Variants in TOGARAM2 observed in about 807,000 individuals in gnomAD.
The protein encoded by TOGARAM2 is TOG array regulator of axonemal microtubules protein 2.
TOGARAM2 carries 85 observed loss-of-function variants against 93.3 expected under a neutral mutation model. The observed-to-expected ratio is 0.91, with a 90% confidence interval of 0.76 to 1.09. The LOEUF (loss-of-function observed/expected upper bound fraction) is 1.09, where lower values mean the gene tolerates loss of function less well. TOGARAM2 is among the 50% of genes least tolerant of loss of function. The pLI, the probability that TOGARAM2 is intolerant of heterozygous loss-of-function variation, is 0.00. For synonymous variants in TOGARAM2, 593 were observed against 552.8 expected, an observed-to-expected ratio of 1.07 and a Z score of -1.02; for missense variants, 1,277 against 1,334.5, an observed-to-expected ratio of 0.96 and a Z score of 0.67.
At chr2:29,005,124 T>G (rs377683302) in intron 6 of TOGARAM2, among the ~76,000 whole-genome samples, 1 of 135,556 alleles carries the variant, frequency 7.4e-6, no homozygotes, top group Non-Finnish European at 1.6e-5. Context: ...TATGGGTGTG[T>G]GTGCATGTGT....
rs1667113737 is a variant in TOGARAM2 at position 29,052,195 on chromosome 2, T to C, written c.*102T>C. 1 of 913,898 alleles carries C rather than the reference T, an allele frequency of 1.1e-6. No individual in the cohort carries two copies. The highest frequency in any genetic ancestry group is 1.5e-6 in the Non-Finnish European group (1 of 648,332). The allele number at this position is 913,898 out of a possible 1,614,324, so 56.6% of individuals were successfully genotyped here. A position where few individuals can be genotyped will look rare whatever the true frequency, so the allele number is the denominator to read the frequency against. ...GAGTTCCAGATGTACATGGTATATT[T>C]TGAAGTAGAAATAAAAGAATTACTT... is the stretch of plus-strand genomic sequence containing the variant. On this transcript the variant is annotated 3_prime_UTR_variant, in exon 20 of 20. Transcript: ENST00000379558.
chr2:29,008,517 C>T (rs1333962045), intron 6 of TOGARAM2, among the ~76,000 whole-genome samples: 3 of 152,174 alleles, frequency 2.0e-5, no homozygotes, highest in Admixed American at 6.5e-5. Context: ...AGTGCAGTGG[C>T]ACGATCTCTG....
intron 1 of TOGARAM2, among the ~76,000 whole-genome samples, chr2:28,983,170 A>C: frequency 2.0e-5 from 1 of 50,846 alleles, no homozygotes; most frequent in East Asian, 2.5e-4. Context: ...GTGTGTGTGT[A>C]TATATAAATA....
chr2:29,009,264 T>G (rs1280141157), intron 6 of TOGARAM2, among the ~76,000 whole-genome samples: 1 of 152,182 alleles, frequency 6.6e-6, no homozygotes, highest in Non-Finnish European at 1.5e-5. Flanking sequence ...AGCCCCTGCA[T>G]CCTTGCGTGA....
At chr2:29,007,859 T>C (rs1283363595) in intron 6 of TOGARAM2, among the ~76,000 whole-genome samples, 1 of 151,984 alleles carries the variant, frequency 6.6e-6, no homozygotes, top group East Asian at 1.9e-4. Flanking sequence ...ATTTCACTCA[T>C]CCATCCATCC....
chr2:29,035,957 C>A (rs1343025596), intron 17 of TOGARAM2, among the ~76,000 whole-genome samples: 1 of 152,050 alleles, frequency 6.6e-6, no homozygotes, highest in East Asian at 1.9e-4. Context: ...CTAGGTGCAT[C>A]ATGTTTGGGG....
At chr2:29,008,004 G>A (rs991894408) in intron 6 of TOGARAM2, among the ~76,000 whole-genome samples, 2 of 151,786 alleles carry the variant, frequency 1.3e-5, no homozygotes, top group African/African-American at 4.9e-5. Flanking sequence ...CGGCAAGGAG[G>A]GGAAGTGGTC....
intron 1 of TOGARAM2, among the ~76,000 whole-genome samples, chr2:28,972,786 GA>G (rs1306972355): frequency 6.6e-6 from 1 of 152,174 alleles, no homozygotes; most frequent in East Asian, 1.9e-4. Context: ...CCCTGAGCTA[GA>G]AAGGTTCTTG....
intron 6 of TOGARAM2, among the ~76,000 whole-genome samples, chr2:29,009,167 A>T (rs993187440): frequency 1.1e-4 from 16 of 152,228 alleles, no homozygotes; most frequent in African/African-American, 3.9e-4. Context: ...GATCTGAATC[A>T]TGCCAGGCAG....
chr2:28,978,197 G>A (rs1408215417), upstream of TOGARAM2, among the ~76,000 whole-genome samples: 21 of 152,084 alleles, frequency 1.4e-4, no homozygotes, highest in Admixed American at 9.8e-4. Flanking sequence ...GTGAGCCACC[G>A]TGCCCGGCCG....
In TOGARAM2 at chr2:29,033,656, CAT is replaced by C; in HGVS notation, c.2225+96_2225+97del. 3 of 1,165,780 alleles carry C rather than the reference CAT, an allele frequency of 2.6e-6. No individual in the cohort carries two copies. In the South Asian group the frequency reaches 4.2e-5, roughly 16 times the overall value. 72.2% of individuals were successfully genotyped at this position (1,165,780 alleles called of 1,614,324 possible). A position where few individuals can be genotyped will look rare whatever the true frequency, so the allele number is the denominator to read the frequency against. On this transcript the variant is annotated intron_variant, in intron 16 of 19. Transcript: ENST00000379558. ...TGGCCAGGGGTGGCTCTGGGGTGGA[CAT>C]ATGGATCTGGGGTATCGCTGAGACC...
intron 1 of TOGARAM2, among the ~76,000 whole-genome samples, chr2:28,957,289 G>A (rs1025260861): frequency 3.3e-5 from 5 of 151,516 alleles, no homozygotes; most frequent in East Asian, 2.0e-4. Flanking sequence ...TTCTTCTCCC[G>A]GATTCAAGCA....
At chr2:28,977,659 T>C (rs954800251), upstream of TOGARAM2, among the ~76,000 whole-genome samples, 1 of 152,146 alleles carries the variant, frequency 6.6e-6, no homozygotes, top group African/African-American at 2.4e-5. Flanking sequence ...TGGCTGGCGC[T>C]GGTTCCAGAG....
At position 29,026,908 on chromosome 2, in the gene TOGARAM2, G is replaced by T. The variant is rs544733577; in HGVS notation, c.1909G>T (p.Glu637Ter). 1.3e-6 allele frequency: 2 copies of T among 1,590,156 alleles called. No individual in the cohort carries two copies. Among genetic ancestry groups the T allele is most frequent in the East Asian group, 4.6e-5 (2 of 43,608 alleles). Residue 637 changes from glutamate to a stop codon, truncating the protein, a stop_gained, in exon 14 of 20, where the codon GAG becomes TAG. Transcript: ENST00000379558. LOFTEE classifies it high-confidence loss of function. ...GGCTGAGCACCTCTCAGCTGTGCTG[G>T]AGCAGATCGGCGCTGAGAAGCTTCT... ...YAAEHLSAVL[E>*]QIGAEKLLSG...
intron 10 of TOGARAM2, among the ~76,000 whole-genome samples, chr2:29,020,905 TTTTG>T (rs752694879): frequency 2.0e-5 from 3 of 152,072 alleles, no homozygotes; most frequent in South Asian, 2.1e-4. Context: ...TCTCCGCTTT[TTTTG>T]TTTGTTTGTT....
At chr2:29,043,445 T>C (rs964464390) in intron 18 of TOGARAM2, among the ~76,000 whole-genome samples, 2 of 152,072 alleles carry the variant, frequency 1.3e-5, no homozygotes, top group African/African-American at 4.8e-5. Context: ...TTGAAGGAAC[T>C]TGGAAAAAGT....
At chr2:29,035,911 G>T (rs1334472666) in intron 17 of TOGARAM2, among the ~76,000 whole-genome samples, 2 of 152,328 alleles carry the variant, frequency 1.3e-5, no homozygotes, top group African/African-American at 4.8e-5. Flanking sequence ...AGAGGTGGAG[G>T]ATACTGTGGT....
chr2:28,963,037 A>G lies in TOGARAM2; in HGVS notation c.-147+6340A>G, dbSNP rs550536578. 2.6e-5 allele frequency among the ~76,000 whole-genome samples: 4 copies of G among 151,770 alleles called. No individual in the cohort carries two copies. In the East Asian group the frequency reaches 7.8e-4, roughly 30 times the overall value. ...GAGTTGGGGTCTCCCTATGTTGCCC[A>G]GGCTAGTCTTGAACTCCTGGGCTCA... On this transcript the variant is annotated intron_variant, in intron 1 of 6. Coordinates refer to the TOGARAM2 transcript ENST00000401723.
chr2:29,002,989 G>A (rs1673398372), intron 5 of TOGARAM2, among the ~76,000 whole-genome samples: 1 of 152,204 alleles, frequency 6.6e-6, no homozygotes, highest in Admixed American at 6.5e-5. Flanking sequence ...TGTGCCAGAG[G>A]CTGCATGACC....
Sources: gnomAD v4.1 joint callset for allele counts (sites outside exome capture counted in the v4.1 genomes callset) on GRCh38, gnomAD v4.1.1 for gene constraint, MANE v1.5 for transcripts, NCBI Gene and HGNC (gene_info 2026-07-23, HGNC 2026-07-21) for gene names.